Variants in ZZEF1 observed in about 807,000 individuals in gnomAD.
The protein encoded by ZZEF1 is zinc finger ZZ-type and EF-hand domain-containing protein 1.
In ZZEF1, 157 loss-of-function variants were observed where a neutral mutation model predicts 342.8. The ratio of observed to expected loss-of-function variants is 0.46; its 90% CI spans 0.40 to 0.52. ZZEF1 has a LOEUF of 0.52. Ranked by LOEUF, ZZEF1 falls within the 20% of genes least tolerant of loss-of-function variation. ZZEF1 has a pLI of 0.00. For synonymous variants in ZZEF1, 1,505 were observed against 1,429.1 expected (o/e 1.05, Z -1.20); for missense variants, 3,480 against 3,725.6 (o/e 0.93, Z 1.72).
intron 52 of ZZEF1, among the ~76,000 whole-genome samples, chr17:4,010,977 TACTC>T (rs1254336420): frequency 2.0e-5 from 3 of 151,890 alleles, no homozygotes; most frequent in Non-Finnish European, 2.9e-5. Flanking sequence ...TAGTCCTAGT[TACTC>T]AAGAGGCTGA....
At chr17:4,028,364 A>G (rs1367503599) in intron 42 of ZZEF1, among the ~76,000 whole-genome samples, 2 of 152,138 alleles carry the variant, frequency 1.3e-5, no homozygotes, top group Admixed American at 1.3e-4. Context: ...CCTGGCCAAC[A>G]TGACAAAACC....
At chr17:4,007,100 C>T in intron 54 of ZZEF1, 130 bp from the exon 55 acceptor site, 1 of 762,506 alleles carries the variant, frequency 1.3e-6, no homozygotes, top group Non-Finnish European at 2.1e-6. Context: ...TTCCCCTCCC[C>T]CACAGGCCTG....
At chr17:4,089,283 T>C (rs1162265838) in intron 12 of ZZEF1, among the ~76,000 whole-genome samples, 4 of 152,164 alleles carry the variant, frequency 2.6e-5, no homozygotes, top group African/African-American at 4.8e-5. Flanking sequence ...AGGCAACCCC[T>C]AAGCTAGAAA....
At chr17:4,053,177 A>G (rs1047483567) in intron 34 of ZZEF1, among the ~76,000 whole-genome samples, 3 of 152,178 alleles carry the variant, frequency 2.0e-5, no homozygotes, top group Non-Finnish European at 4.4e-5. Context: ...TATTAATAAT[A>G]CCTACTTCAA....
chr17:4,090,459 C>A (rs2057920602), intron 12 of ZZEF1, among the ~76,000 whole-genome samples: 1 of 152,260 alleles, frequency 6.6e-6, no homozygotes, highest in Non-Finnish European at 1.5e-5. Context: ...TAATCTTCAA[C>A]ATTTGACATC....
rs1259469330 is a variant in ZZEF1, at chr17:4,008,850, TG to T, written c.8805+32del. 5 of 1,542,556 alleles carry T rather than the reference TG, an allele frequency of 3.2e-6. No homozygotes were observed. The highest frequency in any genetic ancestry group is 1.7e-6 in the Non-Finnish European group (2 of 1,146,546). ...ATGGTGAGATGGTGGCGCCCCAGCCTGGGGGCCAGCTCTGTTGGGGTGGAGA... is the reference window on the plus strand; with the variant it reads ...ATGGTGAGATGGTGGCGCCCCAGCCTGGGGCCAGCTCTGTTGGGGTGGAGA... On this transcript the variant is annotated intron_variant, in intron 54 of 54. Transcript: ENST00000381638. The surrounding 1 kb of genome is among the most constrained non-coding windows in gnomAD (Gnocchi z 4.2).
At chr17:4,121,225 C>T (rs138465319) in intron 2 of ZZEF1, among the ~76,000 whole-genome samples, 7 of 152,316 alleles carry the variant, frequency 4.6e-5, no homozygotes, top group African/African-American at 7.2e-5. Flanking sequence ...CCTCTGCTTT[C>T]CTCCCCAAAA....
chr17:4,012,928 A>C (rs550118063), intron 52 of ZZEF1, among the ~76,000 whole-genome samples: 3 of 152,350 alleles, frequency 2.0e-5, no homozygotes, highest in Admixed American at 2.0e-4. Context: ...GAAACCTCTA[A>C]AATATTACTA....
At chr17:4,128,925 C>T (rs972707511) in intron 1 of ZZEF1, among the ~76,000 whole-genome samples, 3 of 151,676 alleles carry the variant, frequency 2.0e-5, no homozygotes, top group South Asian at 2.1e-4. Flanking sequence ...TGCGCCACCA[C>T]GCCCAGCTAA....
intron 2 of ZZEF1, among the ~76,000 whole-genome samples, chr17:4,118,531 C>T (rs1007697726): frequency 2.6e-5 from 4 of 152,264 alleles, no homozygotes; most frequent in Non-Finnish European, 4.4e-5. Flanking sequence ...ATGACCCAAG[C>T]GGCAGAGCAG....
intron 42 of ZZEF1, among the ~76,000 whole-genome samples, chr17:4,026,190 C>T (rs2056398683): frequency 1.3e-5 from 2 of 152,144 alleles, no homozygotes; most frequent in South Asian, 4.1e-4. Flanking sequence ...ATTCCTGGAG[C>T]TCACAGAGAG....
Position 4,088,802 on chromosome 17 carries a change from G to A in ZZEF1, c.2117C>T (p.Ala706Val), listed in dbSNP as rs1007857974. The A allele has an allele frequency of 4.3e-6, 7 of 1,614,032 alleles. No individual in the cohort carries two copies. Among genetic ancestry groups the A allele is most frequent in the Admixed American group, 3.3e-5 (2 of 60,002 alleles). The change falls in exon 13 of 55, where the codon GCA (alanine) becomes GTA (valine). Residue 706 changes from alanine to valine, a missense_variant. By Grantham distance (64) the Ala-to-Val change is moderately conservative (BLOSUM62 0). Transcript: ENST00000381638. Reference sequence around the variant, plus strand: ...GACGCTCTGTTCTGCTTCTGCTCTTGCAGGCCGGAGGTACCCACTGATGGT... The same window carrying A: ...GACGCTCTGTTCTGCTTCTGCTCTTACAGGCCGGAGGTACCCACTGATGGT... ...GLTISGYLRP[A>V]RAEAEQSVTC...
chr17:4,122,207 C>T (rs11653163), intron 2 of ZZEF1, among the ~76,000 whole-genome samples: 77,162 of 151,908 alleles, frequency 0.51, 22,003 homozygotes, highest in East Asian at 0.74. Context: ...GCAGGAAAAA[C>T]GCTGAGGTAA....
rs199896183 is a variant in ZZEF1 at position 4,142,760 on chromosome 17, G to A, written c.136C>T (p.Pro46Ser). 3,808 of 1,465,076 alleles carry A rather than the reference G, an allele frequency of 2.6e-3. 10 individuals are homozygous for A. The highest frequency in any genetic ancestry group is 3.1e-3 in the Non-Finnish European group (3,465 of 1,116,374). The allele number at this position is 1,465,076 out of a possible 1,614,324, so 90.8% of individuals were successfully genotyped here. The change falls in exon 1 of 55, where the codon CCC becomes TCC. Residue 46 changes from proline (P) to serine (S), a missense_variant. Physicochemically the swap from Pro to Ser is moderately conservative, Grantham distance 74 (BLOSUM62 -1). Coordinates refer to ENST00000381638, the MANE Select transcript of ZZEF1 (RefSeq NM_015113.4). The stretch of plus-strand genomic sequence containing the variant: ...GCCGGCTCCAGCAGCGCCGCGGCGG[G>A]TGGTAGCGCTGGAGCCGCGACGCCC... Reference protein sequence around the residue: ...GPGVAAPALPPAAALLEPARL... With the variant: ...GPGVAAPALPSAAALLEPARL...
At position 4,008,443 on chromosome 17, in the gene ZZEF1, T is replaced by C; in HGVS notation, c.8805+440A>G. 1.4e-6 allele frequency: 1 copy of C among 723,268 alleles called. No individual in the cohort carries two copies. The highest frequency in any genetic ancestry group is 1.7e-6 in the Non-Finnish European group (1 of 590,328). The allele number at this position is 723,268 out of a possible 1,614,324, so 44.8% of individuals were successfully genotyped here. On this transcript the variant is annotated intron_variant, in intron 54 of 54. Coordinates refer to ENST00000381638, the MANE Select transcript of ZZEF1 (RefSeq NM_015113.4). The surrounding 1 kb of genome is among the most constrained non-coding windows in gnomAD (Gnocchi z 4.2). The stretch of plus-strand genomic sequence containing the variant: ...AAAATCTCGTTTCTAATGGCACATA[T>C]GGATATATGCATAATAGACATATCC...
intron 3 of ZZEF1, among the ~76,000 whole-genome samples, chr17:4,115,533 C>A (rs1033988596): frequency 1.3e-5 from 2 of 152,000 alleles, no homozygotes; most frequent in Non-Finnish European, 1.5e-5. Context: ...CACGGTGGCA[C>A]GTGCCTGTAA....
rs16953704 is a variant in ZZEF1 at position 4,104,408 on chromosome 17, C to G, written c.1573+225G>C. 8.4e-3 allele frequency among the ~76,000 whole-genome samples: 1,280 copies of G among 152,186 alleles called. 14 individuals carry two copies. Among genetic ancestry groups the G allele is most frequent in the African/African-American group, 0.029 (1,222 of 41,506 alleles). On this transcript the variant is annotated intron_variant, in intron 8 of 54. Coordinates refer to ENST00000381638, the MANE Select transcript of ZZEF1 (RefSeq NM_015113.4). ...TATAGCCTTGTGGACAATCAAGTGT[C>G]CTCTTCTGGTGATACTGCCATCACA...
intron 9 of ZZEF1, among the ~76,000 whole-genome samples, chr17:4,100,107 T>C (rs539728554): frequency 1.3e-3 from 193 of 152,278 alleles, no homozygotes; most frequent in Non-Finnish European, 1.9e-3. Context: ...GCAGTGGCAC[T>C]TGTCCAAAAG....
chr17:4,032,401 A>G (rs1242956045), intron 41 of ZZEF1, 143 bp from the exon 42 acceptor site: 2 of 942,208 alleles, frequency 2.1e-6, no homozygotes, highest in South Asian at 1.8e-5. Context: ...CTCTAAGTCC[A>G]AAGAGTCTGC....
Sources: gnomAD v4.1 joint callset for allele counts (sites outside exome capture counted in the v4.1 genomes callset) on GRCh38, gnomAD v4.1.1 for gene constraint, Gnocchi (gnomAD v3.1) non-coding constraint, MANE v1.5 for transcripts, NCBI Gene and HGNC (gene_info 2026-07-23, HGNC 2026-07-21) for gene names.